Variants in NEMF observed in about 807,000 individuals in gnomAD.
NEMF encodes nuclear export mediator factor.
Under a neutral mutation model 162.2 loss-of-function variants are expected in NEMF, and 89 were observed. That is an observed-to-expected ratio of 0.55 (90% CI 0.46 to 0.65). NEMF has a LOEUF of 0.65. Ranked by LOEUF, NEMF falls within the 30% of genes least tolerant of loss-of-function variation. The probability of loss-of-function intolerance (pLI) is 0.00; values close to 1 mark genes in which losing one functional copy is unlikely to be tolerated. For missense variants in NEMF, 1,133 were observed against 1,261.9 expected, an observed-to-expected ratio of 0.90 and a Z score of 1.55; for synonymous variants, 421 against 404.5, an observed-to-expected ratio of 1.04 and a Z score of -0.49.
intron 28 of NEMF, 38 bp downstream of exon 28, chr14:49,789,108 C>A: frequency 6.4e-7 from 1 of 1,558,372 alleles, no homozygotes; most frequent in South Asian, 1.2e-5. Context: ...TGGGTAATCA[C>A]CCTAATTAAG....
At chr14:49,803,605 A>G (rs1300928691) in intron 19 of NEMF, among the ~76,000 whole-genome samples, 2 of 151,396 alleles carry the variant, frequency 1.3e-5, no homozygotes, top group Admixed American at 1.3e-4. Flanking sequence ...GGCTCACTGT[A>G]ACCTCCACCT....
intron 26 of NEMF, among the ~76,000 whole-genome samples, chr14:49,792,803 C>G (rs1232629907): frequency 6.6e-6 from 1 of 152,006 alleles, no homozygotes; most frequent in African/African-American, 2.4e-5. Context: ...ATAGGAAGAG[C>G]CTGTCTCTAA....
chr14:49,820,361 T>A (rs1172761102), intron 16 of NEMF: 1 of 453,430 alleles, frequency 2.2e-6, no homozygotes, highest in Non-Finnish European at 4.4e-6. Flanking sequence ...TTTGGTGCCA[T>A]GACAGAGTCA....
At chr14:49,802,365 C>A in intron 22 of NEMF, 88 bp downstream of exon 22, 1 of 1,414,472 alleles carries the variant, frequency 7.1e-7, no homozygotes, top group Non-Finnish European at 9.7e-7. Context: ...TTAGATTATC[C>A]CAAAGAGACA....
chr14:49,790,320 T>G (rs747993018), intron 26 of NEMF, among the ~76,000 whole-genome samples: 1 of 152,150 alleles, frequency 6.6e-6, no homozygotes, highest in Non-Finnish European at 1.5e-5. Context: ...GTATTCAGGA[T>G]TGCAGAGAAC....
At chr14:49,794,879 T>C (rs961126556) in intron 26 of NEMF, among the ~76,000 whole-genome samples, 2 of 151,956 alleles carry the variant, frequency 1.3e-5, no homozygotes, top group Non-Finnish European at 2.9e-5. Context: ...CCACCATGCC[T>C]GGCTAATTTT....
chr14:49,786,929 TTGTG>T, intron 28 of NEMF, 179 bp from the exon 29 acceptor site: 1 of 570,972 alleles, frequency 1.8e-6, no homozygotes, highest in Non-Finnish European at 3.1e-6. Context: ...GTATATGTGT[TTGTG>T]TGTGTCTGTT....
chr14:49,796,435 C>T (rs1890694671), intron 25 of NEMF: 1 of 355,992 alleles, frequency 2.8e-6, no homozygotes, highest in South Asian at 2.1e-5. Flanking sequence ...GTCCTCATTA[C>T]ATCCCACCCA....
chr14:49,850,959 T>A (rs1238406970), intron 3 of NEMF, among the ~76,000 whole-genome samples: 1 of 152,178 alleles, frequency 6.6e-6, no homozygotes, highest in Admixed American at 6.6e-5. Flanking sequence ...ATCCCAGCAC[T>A]TCAGGAGGCT....
intron 32 of NEMF, 72 bp downstream of exon 32, chr14:49,784,848 CTAAAA>C: frequency 6.9e-7 from 1 of 1,445,122 alleles, no homozygotes; most frequent in Non-Finnish European, 9.6e-7. Context: ...GCATTTTCTA[CTAAAA>C]TAACAAAAAA....
intron 11 of NEMF, among the ~76,000 whole-genome samples, chr14:49,830,949 A>G (rs1209295614): frequency 6.6e-6 from 1 of 152,218 alleles, no homozygotes; most frequent in Non-Finnish European, 1.5e-5. Context: ...CCTCTGGCCT[A>G]TTTAAAATCT....
chr14:49,826,423 C>A (rs1162108890), intron 15 of NEMF, among the ~76,000 whole-genome samples: 1 of 151,746 alleles, frequency 6.6e-6, no homozygotes. Flanking sequence ...AACAAGGAAA[C>A]CCGATTTACA....
chr14:49,833,414 T>C lies in NEMF; in HGVS notation c.735+9A>G. 1 of 1,545,832 alleles carries C rather than the reference T, an allele frequency of 6.5e-7. No individual in the cohort carries two copies. The highest frequency in any genetic ancestry group is 8.8e-7 in the Non-Finnish European group (1 of 1,130,494). On this transcript the variant is annotated intron_variant, in intron 8 of 32. Coordinates refer to ENST00000298310, the MANE Select transcript of NEMF (RefSeq NM_004713.6). The stretch of plus-strand genomic sequence containing the variant: ...CACAACAATATATAGTAAGTATACA[T>C]GGTGCTACCTTCCCACTGAAGTTGG...
rs774040775 is a variant in NEMF at position 49,834,457 on chromosome 14, T to G, written c.575-8A>C. 6.6e-7 allele frequency: 1 copy of G among 1,526,312 alleles called. No homozygotes were observed. Among genetic ancestry groups the G allele is most frequent in the Non-Finnish European group, 9.1e-7 (1 of 1,103,770 alleles). 94.5% of individuals were successfully genotyped at this position (1,526,312 alleles called of 1,614,324 possible). ...TGAGAGCTGGTCCATAGGCTATAAA[T>G]GCAGAGGATATTACTTTTAGTATTT... On this transcript the variant is annotated splice_region_variant and splice_polypyrimidine_tract_variant and intron_variant, in intron 6 of 32. Transcript: ENST00000298310.
chr14:49,812,267 T>A (rs1002533635), intron 18 of NEMF, among the ~76,000 whole-genome samples: 1 of 152,208 alleles, frequency 6.6e-6, no homozygotes, highest in Non-Finnish European at 1.5e-5. Context: ...TAATGTTCCC[T>A]ATTTCATTCC....
At chr14:49,804,437 G>T (rs1017680369) in intron 19 of NEMF, among the ~76,000 whole-genome samples, 1 of 152,078 alleles carries the variant, frequency 6.6e-6, no homozygotes, top group Admixed American at 6.5e-5. Context: ...CAGCACTCTG[G>T]GAGGCCAAGG....
At chr14:49,809,055 C>T (rs904043737) in intron 18 of NEMF, among the ~76,000 whole-genome samples, 1 of 152,160 alleles carries the variant, frequency 6.6e-6, no homozygotes, top group African/African-American at 2.4e-5. Flanking sequence ...AGTGGAACAA[C>T]AGGAACTCCC....
rs760263981 is a variant in NEMF at position 49,800,442 on chromosome 14, A to T, written c.2350T>A (p.Leu784Met). The T allele has an allele frequency of 1.6e-5, 26 of 1,612,982 alleles. No homozygotes were observed. The highest frequency in any genetic ancestry group is 2.2e-5 in the Non-Finnish European group (26 of 1,179,404). Residue 784 changes from leucine to methionine, a missense_variant, in exon 23 of 33, where the codon TTG (leucine) becomes ATG (methionine). By Grantham distance (15) the Leu-to-Met change is conservative (BLOSUM62 2). Transcript: ENST00000298310. ...TACCTTTGGGGTTGAAGGTGAGACA[A>T]GTCAATGGTAGTATCAGGATAATTT... ...TLNYPDTTIDLSHLQPQRSIQ... is the reference protein window; with the variant it reads ...TLNYPDTTIDMSHLQPQRSIQ...
chr14:49,829,435 G>C lies in NEMF; in HGVS notation c.946-9C>G, dbSNP rs1892530407. Reference sequence around the variant, plus strand: ...TTCAATGCTTGCTTTTCCTTTTATTGGCAAAACAGATTTTTTAAAAATTAG... The same window carrying C: ...TTCAATGCTTGCTTTTCCTTTTATTCGCAAAACAGATTTTTTAAAAATTAG... On this transcript the variant is annotated splice_polypyrimidine_tract_variant and intron_variant, in intron 11 of 32. Coordinates refer to ENST00000298310, the MANE Select transcript of NEMF (RefSeq NM_004713.6). 2 of 1,609,750 alleles carry C rather than the reference G, an allele frequency of 1.2e-6. No homozygotes were observed. The highest frequency in any genetic ancestry group is 3.3e-5 in the Admixed American group (2 of 59,782).
Sources: gnomAD v4.1 joint callset for allele counts (sites outside exome capture counted in the v4.1 genomes callset) on GRCh38, gnomAD v4.1.1 for gene constraint, MANE v1.5 for transcripts, NCBI Gene and HGNC (gene_info 2026-07-23, HGNC 2026-07-21) for gene names.